DLGAP2: variants seen among roughly 807,000 people sequenced by gnomAD.
The protein encoded by DLGAP2 is disks large-associated protein 2.
A neutral mutation model predicts 100.3 loss-of-function variants in DLGAP2; 26 were observed. That is an observed-to-expected ratio of 0.26 (90% CI 0.19 to 0.36). DLGAP2 has a LOEUF of 0.36. DLGAP2 is among the 10% of genes least tolerant of loss of function. The pLI, the probability that DLGAP2 is intolerant of heterozygous loss-of-function variation, is 1.00. For missense variants in DLGAP2, 1,858 were observed against 1,453.2 expected, an observed-to-expected ratio of 1.28 and a Z score of -4.53; for synonymous variants, 886 against 630.1, an observed-to-expected ratio of 1.41 and a Z score of -6.08.
At chr8:1,377,119 C>CA (rs774661502) in intron 3 of DLGAP2, among the ~76,000 whole-genome samples, 6 of 152,230 alleles carry the variant, frequency 3.9e-5, no homozygotes, top group Non-Finnish European at 8.8e-5. Flanking sequence ...GTGTGCGTCC[C>CA]AGCGAGAGGA....
intron 3 of DLGAP2, among the ~76,000 whole-genome samples, chr8:1,465,043 G>C (rs1798585121): frequency 1.3e-5 from 2 of 152,214 alleles, no homozygotes; most frequent in Admixed American, 6.5e-5. Context: ...CACCCAGCAG[G>C]TGACCAGCTC....
At chr8:1,562,839 C>T (rs368634306) in intron 5 of DLGAP2, among the ~76,000 whole-genome samples, 272 of 21,398 alleles carry the variant, frequency 0.013, 6 homozygotes, top group Middle Eastern at 0.062. Flanking sequence ...GGGGTGTCCG[C>T]GCCTCGTTAC....
At chr8:903,923 T>G (rs1798319477) in intron 1 of DLGAP2, among the ~76,000 whole-genome samples, 1 of 152,198 alleles carries the variant, frequency 6.6e-6, no homozygotes, top group Non-Finnish European at 1.5e-5. Flanking sequence ...GGACCCTCTG[T>G]TCCCCTGGAG....
intron 3 of DLGAP2, among the ~76,000 whole-genome samples, chr8:1,408,495 G>T (rs765099469): frequency 2.6e-5 from 4 of 152,296 alleles, no homozygotes; most frequent in South Asian, 2.1e-4. Context: ...CCTGCAGAGG[G>T]ACCTTCTCTG....
chr8:1,586,928 C>T (rs1026998336), intron 6 of DLGAP2, among the ~76,000 whole-genome samples: 5 of 152,196 alleles, frequency 3.3e-5, no homozygotes, highest in African/African-American at 7.2e-5. Context: ...TTCATCAGTG[C>T]AGCTAAGGAG....
intron 2 of DLGAP2, among the ~76,000 whole-genome samples, chr8:986,428 A>G (rs1281704583): frequency 6.6e-6 from 1 of 152,148 alleles, no homozygotes; most frequent in African/African-American, 2.4e-5. Context: ...ACTTTTCTCT[A>G]GACATTTTAG....
At chr8:1,170,235 A>G (rs1797100488) in intron 2 of DLGAP2, among the ~76,000 whole-genome samples, 3 of 152,180 alleles carry the variant, frequency 2.0e-5, no homozygotes. Flanking sequence ...GATGAAGCCC[A>G]CTTGTTCATG....
chr8:860,191 A>C (rs1563067693), intron 1 of DLGAP2, among the ~76,000 whole-genome samples: 1 of 152,218 alleles, frequency 6.6e-6, no homozygotes, highest in Non-Finnish European at 1.5e-5. Flanking sequence ...GTAGCCTTAC[A>C]GACGGCCTTT....
chr8:891,454 C>T (rs80070741), intron 1 of DLGAP2: 13,646 of 152,448 alleles, frequency 0.09, 757 homozygotes, highest in Admixed American at 0.14. Context: ...GGAAGCTGTT[C>T]TCTTGGGGTT....
chr8:1,027,515 C>A (rs1447144019), intron 2 of DLGAP2, among the ~76,000 whole-genome samples: 1 of 103,878 alleles, frequency 9.6e-6, no homozygotes, highest in Non-Finnish European at 1.9e-5. Flanking sequence ...GTGCCGGTTA[C>A]TCCCCAGGTA....
chr8:927,317 C>A, intron 2 of DLGAP2: 1 of 822,108 alleles, frequency 1.2e-6, no homozygotes, highest in Non-Finnish European at 1.5e-6. Flanking sequence ...CTTACTTGAA[C>A]ATGTTGATTC....
At chr8:1,332,504 CAT>C (rs1196765263) in intron 3 of DLGAP2, among the ~76,000 whole-genome samples, 1 of 152,134 alleles carries the variant, frequency 6.6e-6, no homozygotes, top group Non-Finnish European at 1.5e-5. Context: ...TCTGTGTACT[CAT>C]ATCTGCACGT....
intron 2 of DLGAP2, among the ~76,000 whole-genome samples, chr8:1,175,549 T>C (rs942703628): frequency 6.6e-6 from 1 of 152,210 alleles, no homozygotes; most frequent in African/African-American, 2.4e-5. Flanking sequence ...GAGAACATTG[T>C]GTTCTAGCTC....
intron 4 of DLGAP2, 144 bp from the exon 5 acceptor site, chr8:1,548,482 A>AAC (rs1801625988): frequency 1.8e-6 from 1 of 549,768 alleles, no homozygotes; most frequent in Non-Finnish European, 2.8e-6. Context: ...AAAAAAAAAA[A>AAC]AACCCACAAA....
chr8:1,043,969 C>T (rs959879242), intron 2 of DLGAP2, among the ~76,000 whole-genome samples: 1 of 152,058 alleles, frequency 6.6e-6, no homozygotes, highest in Non-Finnish European at 1.5e-5. Flanking sequence ...GGGTTAGAGA[C>T]TTTGCATCAC....
At chr8:857,488 T>C (rs1797301778) in intron 1 of DLGAP2, among the ~76,000 whole-genome samples, 1 of 152,078 alleles carries the variant, frequency 6.6e-6, no homozygotes, top group Admixed American at 6.5e-5. Flanking sequence ...ATTTCAATGG[T>C]GAGAAAACAA....
At chr8:1,229,782 G>C (rs1032361754) in intron 2 of DLGAP2, among the ~76,000 whole-genome samples, 6 of 152,140 alleles carry the variant, frequency 3.9e-5, no homozygotes, top group African/African-American at 1.2e-4. Flanking sequence ...ACGTTCATCT[G>C]AGTACATTTG....
chr8:769,943 C>G (rs565842536), intron 1 of DLGAP2, among the ~76,000 whole-genome samples: 2 of 147,482 alleles, frequency 1.4e-5, no homozygotes, highest in Non-Finnish European at 3.0e-5. Flanking sequence ...CATGCCGACC[C>G]CAGAGTCACT....
At chr8:788,368 G>A (rs966689438) in intron 1 of DLGAP2, among the ~76,000 whole-genome samples, 2 of 152,190 alleles carry the variant, frequency 1.3e-5, no homozygotes, top group East Asian at 3.9e-4. Context: ...CGGCATCTGT[G>A]TCCACATGCT....
Sources: gnomAD v4.1 joint callset for allele counts (sites outside exome capture counted in the v4.1 genomes callset) on GRCh38, gnomAD v4.1.1 for gene constraint, MANE v1.5 for transcripts, NCBI Gene and HGNC (gene_info 2026-07-23, HGNC 2026-07-21) for gene names.